GPC3: variants seen among roughly 807,000 people sequenced by gnomAD.
GPC3 encodes glypican 3, also known as glypican-3.
A neutral mutation model predicts 34.4 loss-of-function variants in GPC3; 3 were observed. The observed-to-expected ratio is 0.09, with a 90% CI of 0.04 to 0.23. GPC3 has a LOEUF of 0.23. GPC3 is among the 10% of genes least tolerant of loss of function. The pLI is 1.00. For missense variants in GPC3, 351 were observed against 445.6 expected (o/e 0.79, Z 1.91); for synonymous variants, 177 against 174.0 (o/e 1.02, Z -0.13).
intron 2 of GPC3, among the ~76,000 whole-genome samples, chrX:133,863,811 G>A (rs375174495): frequency 7.8e-5 from 8 of 102,041 alleles, no homozygotes; most frequent in East Asian, 6.1e-4. Context: ...GCCCGCCACC[G>A]CGCCCGGCTA....
At chrX:133,727,008 AAAGGGAAAGGCAAT>A (rs1256015386) in intron 3 of GPC3, among the ~76,000 whole-genome samples, 2 of 111,970 alleles carry the variant, frequency 1.8e-5, no homozygotes, top group Non-Finnish European at 3.8e-5. Context: ...GCTTCTTCTC[AAAGGGAAAGGCAAT>A]AAGGGAAAGG....
chrX:133,829,231 T>A (rs73567052), intron 2 of GPC3, among the ~76,000 whole-genome samples: 9,886 of 111,442 alleles, frequency 0.089, 1,116 homozygotes, highest in African/African-American at 0.31. Context: ...GACAAAAAAA[T>A]TTTATAACGG....
At chrX:133,983,796 T>A (rs1222326865) in intron 1 of GPC3, among the ~76,000 whole-genome samples, 2 of 111,847 alleles carry the variant, frequency 1.8e-5, no homozygotes, top group African/African-American at 6.5e-5. Context: ...AGGTTGCCCC[T>A]TACAGCTCCT....
At chrX:133,551,264 C>A (rs2069430882) in intron 7 of GPC3, among the ~76,000 whole-genome samples, 2 of 110,743 alleles carry the variant, frequency 1.8e-5, no homozygotes, top group African/African-American at 6.6e-5. Flanking sequence ...TAATGAAGTC[C>A]CTCGCTTGGC....
chrX:133,840,125 C>T (rs915607622), intron 2 of GPC3, among the ~76,000 whole-genome samples: 1 of 110,536 alleles, frequency 9.0e-6, no homozygotes, highest in Admixed American at 9.7e-5. Context: ...GTCACATATC[C>T]CCTAAGTGGT....
intron 2 of GPC3, among the ~76,000 whole-genome samples, chrX:133,852,823 C>T (rs1294175065): frequency 9.1e-6 from 1 of 110,191 alleles, no homozygotes; most frequent in African/African-American, 3.3e-5. Context: ...ACCATTACCA[C>T]CTATAACTTC....
chrX:133,661,654 C>CCT (rs1193855427), intron 6 of GPC3, 76 bp downstream of exon 6: 1 of 77,562 alleles, frequency 1.3e-5, no homozygotes, highest in East Asian at 7.2e-4. Flanking sequence ...TCTCTCTCCC[C>CCT]CTCTCTCTCT....
intron 6 of GPC3, among the ~76,000 whole-genome samples, chrX:133,659,452 C>T (rs1398416431): frequency 8.9e-6 from 1 of 111,846 alleles, no homozygotes; most frequent in Non-Finnish European, 1.9e-5. Context: ...TTTACCTACT[C>T]AAACCCTACT....
At chrX:133,736,374 G>T (rs2071511458) in intron 3 of GPC3, among the ~76,000 whole-genome samples, 1 of 111,847 alleles carries the variant, frequency 8.9e-6, no homozygotes, top group Admixed American at 9.5e-5. Context: ...TCTACTGCTA[G>T]GTATATTCCC....
At chrX:133,939,844 T>C (rs2076337412) in intron 2 of GPC3, among the ~76,000 whole-genome samples, 1 of 111,739 alleles carries the variant, frequency 8.9e-6, no homozygotes, top group African/African-American at 3.3e-5. Flanking sequence ...TTTAAAGCCC[T>C]AATAATCTAA....
chrX:133,548,059 A>AC (rs1396312194), intron 7 of GPC3, among the ~76,000 whole-genome samples: 2 of 111,485 alleles, frequency 1.8e-5, no homozygotes, highest in Non-Finnish European at 3.8e-5. Context: ...GAAACTGTTA[A>AC]AAAAAAAGTA....
At chrX:133,559,709 T>G (rs2069525484) in intron 7 of GPC3, among the ~76,000 whole-genome samples, 1 of 112,090 alleles carries the variant, frequency 8.9e-6, no homozygotes, top group Non-Finnish European at 1.9e-5. Flanking sequence ...TTGTACTCAC[T>G]TCTCAAATGA....
intron 2 of GPC3, among the ~76,000 whole-genome samples, chrX:133,877,818 C>T (rs1438734445): frequency 9.0e-6 from 1 of 111,593 alleles, no homozygotes; most frequent in Non-Finnish European, 1.9e-5. Context: ...GTGGGAAAAG[C>T]GAGTTTCAAA....
intron 2 of GPC3, among the ~76,000 whole-genome samples, chrX:133,855,878 C>T (rs1293137104): frequency 1.8e-5 from 2 of 111,177 alleles, no homozygotes; most frequent in Non-Finnish European, 3.8e-5. Context: ...AAATATTTGG[C>T]TTTCTGTGCC....
intron 2 of GPC3, among the ~76,000 whole-genome samples, chrX:133,825,636 A>G (rs771157720): frequency 8.9e-6 from 1 of 111,998 alleles, no homozygotes; most frequent in East Asian, 2.8e-4. Flanking sequence ...GAAAAACTGG[A>G]AAAGAAGATA....
intron 1 of GPC3, among the ~76,000 whole-genome samples, chrX:133,955,943 AT>A (rs2076414777): frequency 8.9e-6 from 1 of 111,840 alleles, no homozygotes; most frequent in Non-Finnish European, 1.9e-5. Flanking sequence ...TTCCCTAGGA[AT>A]TTCAGTTGAT....
chrX:133,981,884 T>C (rs969883535), intron 1 of GPC3, among the ~76,000 whole-genome samples: 1 of 112,510 alleles, frequency 8.9e-6, no homozygotes, highest in Admixed American at 9.4e-5. Context: ...TTTGGCCTTC[T>C]GGATTGGTTC....
At chrX:133,615,211 T>C (rs891112566) in intron 6 of GPC3, among the ~76,000 whole-genome samples, 3 of 111,341 alleles carry the variant, frequency 2.7e-5, no homozygotes, top group Non-Finnish European at 5.6e-5. Context: ...AGTGCTACCC[T>C]AACACTAAAA....
intron 2 of GPC3, among the ~76,000 whole-genome samples, chrX:133,913,433 G>C (rs2076210104): frequency 8.9e-6 from 1 of 112,717 alleles, no homozygotes; most frequent in Non-Finnish European, 1.9e-5. Context: ...GCAGAAGTCA[G>C]ATTACAAGGT....
Sources: gnomAD v4.1 joint callset for allele counts (sites outside exome capture counted in the v4.1 genomes callset) on GRCh38, gnomAD v4.1.1 for gene constraint, MANE v1.5 for transcripts, NCBI Gene and HGNC (gene_info 2026-07-23, HGNC 2026-07-21) for gene names.